The following TMEM65 variants were observed in gnomAD, a reference collection of about 807,000 sequenced individuals.
TMEM65 encodes the protein transmembrane protein 65.
A neutral mutation model predicts 25.4 loss-of-function variants in TMEM65; 22 were observed. That is an observed-to-expected ratio of 0.86 (90% CI 0.62 to 1.23). TMEM65 has a LOEUF of 1.23. Ranked by LOEUF, TMEM65 falls within the 50% of genes most tolerant of loss-of-function variation. TMEM65 has a pLI of 0.00. For missense variants in TMEM65, 262 were observed against 308.2 expected (o/e 0.85, Z 1.12); for synonymous variants, 132 against 126.2 (o/e 1.05, Z -0.31).
chr8:124,368,496 C>T (rs531485083), intron 1 of TMEM65, among the ~76,000 whole-genome samples: 1 of 152,352 alleles, frequency 6.6e-6, no homozygotes, highest in Middle Eastern at 3.4e-3. Flanking sequence ...GATGGACTGT[C>T]ACTACTAAGA....
Position 124,307,785 on chromosome 8 carries a change from G to A in TMEM65, c.*6175C>T, listed in dbSNP as rs1269553291. The A allele has an allele frequency of 6.6e-6, 1 of 152,058 alleles. No individual in the cohort carries two copies. 9.4% of individuals were successfully genotyped at this position (152,058 alleles called of 1,614,324 possible). On this transcript the variant is annotated 3_prime_UTR_variant, in exon 7 of 7. Coordinates refer to ENST00000297632, the MANE Select transcript of TMEM65 (RefSeq NM_194291.3). ...CTGATGACCAAGAGGCAGCAAATGA[G>A]TTCCCAGATGCCATTAAGAAAATCA...
At chr8:124,345,734 A>ATTATTTATTTAT (rs146382797) in intron 1 of TMEM65, among the ~76,000 whole-genome samples, 13,708 of 150,140 alleles carry the variant, frequency 0.091, 902 homozygotes, top group Non-Finnish European at 0.14. Context: ...AAGGAGGTTT[A>ATTATTTATTTAT]TTATTTATTT....
In TMEM65 at chr8:124,310,202, C is replaced by T. The variant is rs1475646080; in HGVS notation, c.*3758G>A. The T allele has an allele frequency of 6.6e-6, 1 of 152,484 alleles. No homozygotes were observed. Among genetic ancestry groups the T allele is most frequent in the East Asian group, 1.9e-4 (1 of 5,190 alleles). 9.4% of individuals were successfully genotyped at this position (152,484 alleles called of 1,614,324 possible). Reference sequence around the variant, plus strand: ...TCTGTGTTCTCTTCCCCTATTACTACCCACCCCAAAAGAATAAGCTTCATG... The same window carrying T: ...TCTGTGTTCTCTTCCCCTATTACTATCCACCCCAAAAGAATAAGCTTCATG... On this transcript the variant is annotated 3_prime_UTR_variant, in exon 7 of 7. Transcript: ENST00000297632.
chr8:124,370,951 A>AT (rs1339437619), intron 1 of TMEM65, among the ~76,000 whole-genome samples: 2 of 152,248 alleles, frequency 1.3e-5, no homozygotes, highest in African/African-American at 2.4e-5. Context: ...TGGCAGAAAT[A>AT]TTTTAAGACA....
chr8:124,338,402 G>C (rs1432948471), intron 1 of TMEM65, among the ~76,000 whole-genome samples: 1 of 151,630 alleles, frequency 6.6e-6, no homozygotes, highest in African/African-American at 2.4e-5. Flanking sequence ...AACAGCAAGA[G>C]AGAATATATG....
At chr8:124,343,784 T>A (rs1364546992) in intron 1 of TMEM65, among the ~76,000 whole-genome samples, 1 of 152,188 alleles carries the variant, frequency 6.6e-6, no homozygotes, top group African/African-American at 2.4e-5. Context: ...CCTTTTCTGT[T>A]TATATATGGC....
intron 3 of TMEM65, among the ~76,000 whole-genome samples, chr8:124,325,761 C>G (rs1448879193): frequency 6.6e-6 from 1 of 151,978 alleles, no homozygotes; most frequent in East Asian, 1.9e-4. Flanking sequence ...AATAATTTGA[C>G]TCTAGAATGT....
rs1024862767 is a variant in TMEM65 at position 124,320,310 on chromosome 8, A to G, written c.516-119T>C. On this transcript the variant is annotated intron_variant, in intron 5 of 6. Coordinates refer to ENST00000297632, the MANE Select transcript of TMEM65 (RefSeq NM_194291.3). ...TATAGGTTTTTAAAAAGACATGCAAATGTCCTCATATAGTAAACTAATTAC... is the reference window on the plus strand; with the variant it reads ...TATAGGTTTTTAAAAAGACATGCAAGTGTCCTCATATAGTAAACTAATTAC... 1.2e-5 allele frequency: 7 copies of G among 591,970 alleles called. No homozygotes were observed. The Admixed American group carries it at 2.2e-4, about 18-fold the overall frequency. 36.7% of individuals were successfully genotyped at this position (591,970 alleles called of 1,614,324 possible). A position where few individuals can be genotyped will look rare whatever the true frequency, so the allele number is the denominator to read the frequency against.
At chr8:124,320,020 C>G (rs1814284863) in intron 6 of TMEM65, 66 bp downstream of exon 6, 1 of 1,277,062 alleles carries the variant, frequency 7.8e-7, no homozygotes, top group Non-Finnish European at 1.1e-6. Flanking sequence ...TTCTCAAGGG[C>G]CTGAACTATA....
chr8:124,337,390 TAATA>T (rs1242602248), intron 1 of TMEM65, among the ~76,000 whole-genome samples: 7 of 152,110 alleles, frequency 4.6e-5, no homozygotes, highest in Admixed American at 1.3e-4. Flanking sequence ...CTTAATGGCA[TAATA>T]AATATTCTGC....
intron 1 of TMEM65, among the ~76,000 whole-genome samples, chr8:124,364,733 T>C (rs1814916424): frequency 6.6e-6 from 1 of 152,172 alleles, no homozygotes; most frequent in Non-Finnish European, 1.5e-5. Context: ...TTATTGTCTG[T>C]CTGAGGTAAT....
intron 1 of TMEM65, among the ~76,000 whole-genome samples, chr8:124,353,609 T>A (rs921810987): frequency 2.7e-5 from 4 of 150,726 alleles, no homozygotes; most frequent in Non-Finnish European, 4.4e-5. Flanking sequence ...AAAAAAAGAG[T>A]CTCTTGTATA....
Position 124,372,029 on chromosome 8 carries a change from G to T in TMEM65, c.129C>A (p.Pro43=). ...CCGRGLLALA[P]PGGLPGGPRR... ...TGGGGCCGCCCGGCAAGCCGCCGGG[G>T]GGCGCGAGCGCCAGCAGCCCCCGCC... The change falls in exon 1 of 7, where the codon CCC becomes CCA. Residue 43 remains proline (P), a synonymous_variant. Coordinates refer to ENST00000297632, the MANE Select transcript of TMEM65 (RefSeq NM_194291.3). 7.9e-7 allele frequency: 1 copy of T among 1,261,242 alleles called. No homozygotes were observed. Among genetic ancestry groups the T allele is most frequent in the South Asian group, 2.6e-5 (1 of 39,094 alleles). 78.1% of individuals were successfully genotyped at this position (1,261,242 alleles called of 1,614,324 possible). A position where few individuals can be genotyped will look rare whatever the true frequency, so the allele number is the denominator to read the frequency against.
intron 1 of TMEM65, among the ~76,000 whole-genome samples, chr8:124,348,000 C>T (rs1464779080): frequency 6.6e-6 from 1 of 151,834 alleles, no homozygotes; most frequent in East Asian, 1.9e-4. Flanking sequence ...AAGCGATTCT[C>T]CTGCCTCGGT....
chr8:124,345,729 G>A (rs1297174035), intron 1 of TMEM65, among the ~76,000 whole-genome samples: 1 of 124,558 alleles, frequency 8.0e-6, no homozygotes, highest in African/African-American at 2.8e-5. Flanking sequence ...AAAGAAAGGA[G>A]GTTTATTATT....
intron 1 of TMEM65, among the ~76,000 whole-genome samples, chr8:124,337,972 AATTT>A (rs901342878): frequency 3.3e-5 from 5 of 152,022 alleles, no homozygotes; most frequent in African/African-American, 7.2e-5. Flanking sequence ...TAAAATACTT[AATTT>A]ATTTGGTTTA....
At chr8:124,319,936 T>C in intron 6 of TMEM65, 150 bp downstream of exon 6, 4 of 504,730 alleles carry the variant, frequency 7.9e-6, no homozygotes, top group Non-Finnish European at 7.1e-6. Flanking sequence ...CACAAATTAC[T>C]GTTCTTCTGA....
rs183901874 is a variant in TMEM65, at chr8:124,318,116, C to T, written c.621+1970G>A. Among the ~76,000 whole-genome samples the T allele has an allele frequency of 5.4e-3, 814 of 152,124 alleles. 6 individuals carry two copies. Among genetic ancestry groups the T allele is most frequent in the African/African-American group, 0.017 (708 of 41,494 alleles). ...GCTTGCTCTAGATGGAGGGAGGCCT[C>T]CAGGACATGAGAGTGCAACAGCAAG... On this transcript the variant is annotated intron_variant, in intron 6 of 6. Coordinates refer to ENST00000297632, the MANE Select transcript of TMEM65 (RefSeq NM_194291.3).
In TMEM65 at chr8:124,330,812, T is replaced by A; in HGVS notation, c.305-20A>T. ...ATTTTTCTAAAGGGGAGAAAAAGGA[T>A]GTGGGGCAAGAATTAGTTACTACAG... On this transcript the variant is annotated intron_variant, in intron 1 of 6. Coordinates refer to ENST00000297632, the MANE Select transcript of TMEM65 (RefSeq NM_194291.3). 2 of 1,576,322 alleles carry A rather than the reference T, an allele frequency of 1.3e-6. No homozygotes were observed. Among genetic ancestry groups the A allele is most frequent in the Non-Finnish European group, 1.7e-6 (2 of 1,165,222 alleles).
Sources: gnomAD v4.1 joint callset for allele counts (sites outside exome capture counted in the v4.1 genomes callset) on GRCh38, gnomAD v4.1.1 for gene constraint, MANE v1.5 for transcripts, NCBI Gene and HGNC (gene_info 2026-07-23, HGNC 2026-07-21) for gene names.